The following ATG14 variants were observed in gnomAD, a reference collection of about 807,000 sequenced individuals.
ATG14 encodes the protein beclin 1-associated autophagy-related key regulator.
ATG14 carries 35 observed loss-of-function variants against 60.4 expected under a neutral mutation model. The observed-to-expected ratio is 0.58, with a 90% confidence interval of 0.44 to 0.77. The LOEUF is 0.77. ATG14 is among the 30% of genes least tolerant of loss of function. The pLI, the probability that ATG14 is intolerant of heterozygous loss-of-function variation, is 0.00. For synonymous variants in ATG14, 234 were observed against 228.8 expected (o/e 1.02, Z -0.21); for missense variants, 647 against 626.3 (o/e 1.03, Z -0.35).
intron 1 of ATG14, among the ~76,000 whole-genome samples, chr14:55,411,147 G>C (rs907617658): frequency 6.6e-5 from 10 of 152,200 alleles, no homozygotes; most frequent in Non-Finnish European, 1.5e-4. Flanking sequence ...ATCTGTGACA[G>C]ACTACCAGGC....
At position 55,369,762 on chromosome 14, in the gene ATG14, T is replaced by A. The variant is rs1331897446; in HGVS notation, c.1336A>T (p.Ile446Phe). The A allele has an allele frequency of 6.2e-7, 1 of 1,614,182 alleles. No individual in the cohort carries two copies. The highest frequency in any genetic ancestry group is 1.1e-5 in the South Asian group (1 of 91,080). ...GAGACTTCCACAGACTGGGAAGGGA[T>A]ATCACAAAACCGGGGACTAGGCAAG... ...ENLPSPRFCD[I>F]PSQSVEVSQS... The change falls in exon 10 of 10, where the codon ATC (isoleucine) becomes TTC (phenylalanine). Residue 446 changes from isoleucine to phenylalanine, a missense_variant. Physicochemically the swap from Ile to Phe is conservative, Grantham distance 21. Transcript: ENST00000247178.
At chr14:55,400,889 G>A (rs564878816) in intron 1 of ATG14, among the ~76,000 whole-genome samples, 7 of 150,882 alleles carry the variant, frequency 4.6e-5, no homozygotes, top group Middle Eastern at 3.4e-3. Context: ...GGGTGACAGA[G>A]TGAGACTGTC....
At chr14:55,386,205 G>C in intron 4 of ATG14, 109 bp from the exon 5 acceptor site, 6 of 903,864 alleles carry the variant, frequency 6.6e-6, no homozygotes, top group Non-Finnish European at 1.0e-5. Context: ...TAAACTGAAA[G>C]CAAAACCTGA....
chr14:55,400,212 A>G (rs1885374782), intron 1 of ATG14, among the ~76,000 whole-genome samples: 1 of 152,230 alleles, frequency 6.6e-6, no homozygotes, highest in Non-Finnish European at 1.5e-5. Context: ...GAAGGAGATA[A>G]AAAATTCATT....
chr14:55,369,025 C>T lies in ATG14; in HGVS notation c.*594G>A, dbSNP rs1004641439. On this transcript the variant is annotated 3_prime_UTR_variant, in exon 10 of 10. Coordinates refer to ENST00000247178, the MANE Select transcript of ATG14 (RefSeq NM_014924.5). ...GTGGGGGAAAGAAAAACAGGAATGT[C>T]TGACAAACTACGACAGAGCAGCATG... The T allele has an allele frequency of 6.6e-6, 1 of 150,640 alleles. No individual in the cohort carries two copies. Among genetic ancestry groups the T allele is most frequent in the Non-Finnish European group, 1.5e-5 (1 of 67,454 alleles). The allele number at this position is 150,640 out of a possible 1,614,324, so 9.3% of individuals were successfully genotyped here. A position where few individuals can be genotyped will look rare whatever the true frequency, so the allele number is the denominator to read the frequency against.
chr14:55,376,909 A>G (rs1860094042), intron 9 of ATG14, among the ~76,000 whole-genome samples: 1 of 152,218 alleles, frequency 6.6e-6, no homozygotes, highest in African/African-American at 2.4e-5. Flanking sequence ...ATGGGCTGAG[A>G]GAATAAAAAG....
At chr14:55,392,447 A>G (rs1037534343) in intron 3 of ATG14, among the ~76,000 whole-genome samples, 9 of 152,118 alleles carry the variant, frequency 5.9e-5, no homozygotes, top group Admixed American at 4.6e-4. Context: ...CAGGAGTTCG[A>G]GGCCAGCCTG....
intron 4 of ATG14, among the ~76,000 whole-genome samples, chr14:55,388,432 TCC>T (rs985137170): frequency 6.6e-6 from 1 of 152,156 alleles, no homozygotes; most frequent in African/African-American, 2.4e-5. Context: ...CCCTACCATC[TCC>T]CCATAAACAT....
chr14:55,377,917 A>G lies in ATG14; in HGVS notation c.1087-13T>C, dbSNP rs759016546. The G allele has an allele frequency of 2.1e-5, 33 of 1,596,786 alleles. No homozygotes were observed. The highest frequency in any genetic ancestry group is 2.7e-5 in the Non-Finnish European group (32 of 1,173,148). ...CTAAATTTACATGCTAAAAAAAATTAAAGAATTGGTTAATATTTTCAACTA... is the reference window on the plus strand; with the variant it reads ...CTAAATTTACATGCTAAAAAAAATTGAAGAATTGGTTAATATTTTCAACTA... On this transcript the variant is annotated splice_polypyrimidine_tract_variant and intron_variant, in intron 8 of 9. Transcript: ENST00000247178.
intron 6 of ATG14, among the ~76,000 whole-genome samples, 185 bp from the exon 7 acceptor site, chr14:55,380,875 ATTT>A (rs1170779991): frequency 7.1e-5 from 8 of 112,694 alleles, no homozygotes; most frequent in South Asian, 2.9e-4. Flanking sequence ...ATATATATAT[ATTT>A]TTTTTTTTTT....
At chr14:55,387,022 C>CT (rs1314515736) in intron 4 of ATG14, among the ~76,000 whole-genome samples, 1 of 152,176 alleles carries the variant, frequency 6.6e-6, no homozygotes, top group Non-Finnish European at 1.5e-5. Flanking sequence ...CCAAGTCTGT[C>CT]TATCTAGGCC....
intron 9 of ATG14, among the ~76,000 whole-genome samples, chr14:55,370,373 CAGTG>C (rs1250869719): frequency 2.6e-5 from 4 of 151,130 alleles, no homozygotes; most frequent in African/African-American, 7.3e-5. Flanking sequence ...AAAGAAAACT[CAGTG>C]GGTTCCTGTA....
chr14:55,398,059 C>T (rs546169868), intron 1 of ATG14, among the ~76,000 whole-genome samples: 122 of 151,626 alleles, frequency 8.0e-4, no homozygotes, highest in Non-Finnish European at 1.4e-3. Context: ...GCCATTCTCC[C>T]GCCTCAGCCT....
chr14:55,380,875 A>ATATATATATAGATATATTTTTTTT (rs377330757), intron 6 of ATG14, among the ~76,000 whole-genome samples, 185 bp from the exon 7 acceptor site: 1 of 112,732 alleles, frequency 8.9e-6, no homozygotes, highest in South Asian at 2.9e-4. Flanking sequence ...ATATATATAT[A>ATATATATATAGATATATTTTTTTT]TTTTTTTTTT....
At chr14:55,374,103 T>C (rs1373157216) in intron 9 of ATG14, among the ~76,000 whole-genome samples, 1 of 152,258 alleles carries the variant, frequency 6.6e-6, no homozygotes, top group Non-Finnish European at 1.5e-5. Context: ...AGTGCTTTTT[T>C]CCCTCAACTA....
chr14:55,397,047 G>A (rs1418227608), intron 2 of ATG14, among the ~76,000 whole-genome samples: 1 of 152,192 alleles, frequency 6.6e-6, no homozygotes, highest in Non-Finnish European at 1.5e-5. Context: ...AAGCAGTAAT[G>A]TCCTATGGGA....
At chr14:55,370,041 C>T (rs1884779585) in intron 9 of ATG14, 116 bp from the exon 10 acceptor site, 2 of 986,986 alleles carry the variant, frequency 2.0e-6, no homozygotes, top group East Asian at 5.0e-5. Flanking sequence ...ACACCCCATT[C>T]ATTCCCCAAG....
At chr14:55,409,380 A>T (rs1885536265) in intron 1 of ATG14, among the ~76,000 whole-genome samples, 1 of 152,216 alleles carries the variant, frequency 6.6e-6, no homozygotes, top group South Asian at 2.1e-4. Context: ...AAAAGAGAAA[A>T]ACTCTTGCCC....
At chr14:55,387,363 C>T (rs1290733757) in intron 4 of ATG14, among the ~76,000 whole-genome samples, 1 of 152,138 alleles carries the variant, frequency 6.6e-6, no homozygotes, top group East Asian at 1.9e-4. Flanking sequence ...AGTTATCACT[C>T]CCTAACACTC....
Sources: gnomAD v4.1 joint callset for allele counts (sites outside exome capture counted in the v4.1 genomes callset) on GRCh38, gnomAD v4.1.1 for gene constraint, MANE v1.5 for transcripts, NCBI Gene and HGNC (gene_info 2026-07-23, HGNC 2026-07-21) for gene names.